The following HELZ variants were observed in gnomAD, a reference collection of about 807,000 sequenced individuals.
HELZ encodes the protein ATP-dependent RNA helicase with zinc finger domain.
In HELZ, 23 loss-of-function variants were observed where a neutral mutation model predicts 218.2. That is an observed-to-expected ratio of 0.11 (90% CI 0.08 to 0.15). The LOEUF (loss-of-function observed/expected upper bound fraction) is 0.15. HELZ is among the 10% of genes least tolerant of loss of function. The pLI is 1.00. For synonymous variants in HELZ, 814 were observed against 829.4 expected, an observed-to-expected ratio of 0.98 and a Z score of 0.32; for missense variants, 1,813 against 2,353.7, an observed-to-expected ratio of 0.77 and a Z score of 4.75.
chr17:67,082,758 A>G (rs1042795148), intron 32 of HELZ, among the ~76,000 whole-genome samples: 1 of 151,792 alleles, frequency 6.6e-6, no homozygotes, highest in East Asian at 1.9e-4. Context: ...CATGGCTTTC[A>G]TTGTTCAAGA....
intron 13 of HELZ, among the ~76,000 whole-genome samples, chr17:67,175,998 CTCT>C (rs1415145511): frequency 1.3e-5 from 2 of 152,180 alleles, no homozygotes; most frequent in Non-Finnish European, 2.9e-5. Flanking sequence ...GTACCACAAT[CTCT>C]TCTTTTCATA....
intron 20 of HELZ, among the ~76,000 whole-genome samples, chr17:67,148,057 C>G (rs890458606): frequency 1.3e-5 from 2 of 152,172 alleles, no homozygotes; most frequent in African/African-American, 2.4e-5. Flanking sequence ...TTAAGTGAAC[C>G]CAAAGACCCA....
chr17:67,102,132 G>A (rs934721742), intron 31 of HELZ, among the ~76,000 whole-genome samples: 1 of 152,176 alleles, frequency 6.6e-6, no homozygotes, highest in African/African-American at 2.4e-5. Flanking sequence ...TTATCTACAT[G>A]AGAATAGTCT....
Position 67,245,111 on chromosome 17 carries a change from G to A in HELZ, c.-132+37C>T. On this transcript the variant is annotated intron_variant, in intron 1 of 32. Coordinates refer to ENST00000358691, the MANE Select transcript of HELZ (RefSeq NM_014877.4). ...GGAGAGCTCCGGGAGCTCGCGGAGC[G>A]GCCCCAGGAGCAGAGAAGGGGGAAG... 3 of 984,798 alleles carry A rather than the reference G, an allele frequency of 3.0e-6. 1 individual carries two copies. The allele number at this position is 984,798 out of a possible 1,614,324, so 61.0% of individuals were successfully genotyped here.
chr17:67,109,063 A>C, intron 29 of HELZ, 53 bp downstream of exon 29: 1 of 1,371,144 alleles, frequency 7.3e-7, no homozygotes, highest in Non-Finnish European at 1.0e-6. Context: ...TATACAGTCC[A>C]AGTCATGTTA....
intron 3 of HELZ, among the ~76,000 whole-genome samples, chr17:67,234,803 A>G (rs2041134884): frequency 6.6e-6 from 1 of 151,906 alleles, no homozygotes; most frequent in Non-Finnish European, 1.5e-5. Flanking sequence ...TGGATATGCA[A>G]TTTCCTGACA....
At chr17:67,143,482 G>A (rs2038397590) in intron 21 of HELZ, among the ~76,000 whole-genome samples, 1 of 152,072 alleles carries the variant, frequency 6.6e-6, no homozygotes, top group African/African-American at 2.4e-5. Context: ...TAGGCGTGGT[G>A]GTGCGTACCC....
At chr17:67,159,965 T>G (rs757202284) in intron 17 of HELZ, among the ~76,000 whole-genome samples, 2 of 152,184 alleles carry the variant, frequency 1.3e-5, no homozygotes, top group Non-Finnish European at 2.9e-5. Context: ...GTTATCATAT[T>G]TATATTATTT....
intron 1 of HELZ, 184 bp from the exon 2 acceptor site, chr17:67,244,023 A>T: frequency 8.2e-6 from 8 of 978,846 alleles, no homozygotes; most frequent in Non-Finnish European, 9.7e-6. Context: ...CCTTTCAGTA[A>T]GGTAAAAGAA....
intron 27 of HELZ, among the ~76,000 whole-genome samples, chr17:67,115,159 C>T (rs1219384505): frequency 2.6e-5 from 4 of 151,794 alleles, no homozygotes; most frequent in South Asian, 2.1e-4. Flanking sequence ...ACTATAGTAT[C>T]GGAGATGAAG....
intron 18 of HELZ, 145 bp from the exon 19 acceptor site, chr17:67,150,130 CT>C (rs11408678): frequency 0.068 from 12,112 of 177,582 alleles, 1 homozygote; most frequent in South Asian, 0.088. Flanking sequence ...TATTTTCTTT[CT>C]TTTTTTTTTT....
intron 32 of HELZ, among the ~76,000 whole-genome samples, chr17:67,082,856 T>TG (rs1210887937): frequency 2.7e-4 from 41 of 149,998 alleles, no homozygotes; most frequent in African/African-American, 9.9e-4. Flanking sequence ...TGTTTTTTTT[T>TG]TTTGTTTTTT....
At chr17:67,195,235 C>G (rs142561951) in intron 8 of HELZ, among the ~76,000 whole-genome samples, 184 bp downstream of exon 8, 12 of 152,290 alleles carry the variant, frequency 7.9e-5, no homozygotes, top group Non-Finnish European at 1.8e-4. Flanking sequence ...CTCCATTATT[C>G]TATGAAAAGG....
chr17:67,089,802 TC>T (rs1175516347), intron 31 of HELZ, among the ~76,000 whole-genome samples: 189 of 150,742 alleles, frequency 1.3e-3, no homozygotes, highest in African/African-American at 4.1e-3. Context: ...GTTACAGGAA[TC>T]TCCCAAGGAA....
At chr17:67,224,761 T>C (rs1336833976) in intron 3 of HELZ, 4 of 1,164,454 alleles carry the variant, frequency 3.4e-6, no homozygotes, top group Non-Finnish European at 5.0e-6. Flanking sequence ...CCGGACTTTC[T>C]GTAAGAAGTG....
In HELZ at chr17:67,070,839, T is replaced by C. The variant is rs1447961423; in HGVS notation, c.*7413A>G. 2 of 152,142 alleles carry C rather than the reference T, an allele frequency of 1.3e-5. No individual in the cohort carries two copies. The highest frequency in any genetic ancestry group is 2.9e-5 in the Non-Finnish European group (2 of 68,026). 9.4% of individuals were successfully genotyped at this position (152,142 alleles called of 1,614,324 possible). A position where few individuals can be genotyped will look rare whatever the true frequency, so the allele number is the denominator to read the frequency against. Reference sequence around the variant, plus strand: ...TTTAGATGGCTGTATAACTGGTACTTTGAAGAGATGAACCTGACCACCTCA... The same window carrying C: ...TTTAGATGGCTGTATAACTGGTACTCTGAAGAGATGAACCTGACCACCTCA... On this transcript the variant is annotated 3_prime_UTR_variant, in exon 33 of 33. Coordinates refer to ENST00000358691, the MANE Select transcript of HELZ (RefSeq NM_014877.4).
At chr17:67,166,429 A>T in intron 15 of HELZ, 49 bp downstream of exon 15, 1 of 1,492,904 alleles carries the variant, frequency 6.7e-7, no homozygotes. Context: ...ACAGATATTC[A>T]ATTTAATATT....
Position 67,188,396 on chromosome 17 carries a change from C to A in HELZ, c.1085G>T (p.Arg362Leu). Residue 362 changes from arginine to leucine, a missense_variant, in exon 12 of 33, where the codon CGC becomes CTC. Coordinates refer to ENST00000358691, the MANE Select transcript of HELZ (RefSeq NM_014877.4). This position sits in a 1 kb window ranked among gnomAD's most constrained non-coding sequence, Gnocchi z 4.1. Reference sequence around the variant, plus strand: ...TCCAAAGTCGAAAACTATGGTTTGGCGAAAAGTTCCAAATATTTCTGTGTT... The same window carrying A: ...TCCAAAGTCGAAAACTATGGTTTGGAGAAAAGTTCCAAATATTTCTGTGTT... The part of the protein sequence containing the change: ...AFNTEIFGTF[R>L]QTIVFDFGLE... 1 of 1,613,848 alleles carries A rather than the reference C, an allele frequency of 6.2e-7. No homozygotes were observed. The highest frequency in any genetic ancestry group is 8.5e-7 in the Non-Finnish European group (1 of 1,179,838).
chr17:67,223,174 G>A (rs901876546), intron 3 of HELZ, among the ~76,000 whole-genome samples: 4 of 151,574 alleles, frequency 2.6e-5, no homozygotes, highest in Middle Eastern at 3.4e-3. Flanking sequence ...GAAGGAGAAT[G>A]GCATGAACCC....
Sources: gnomAD v4.1 joint callset for allele counts (sites outside exome capture counted in the v4.1 genomes callset) on GRCh38, gnomAD v4.1.1 for gene constraint, Gnocchi (gnomAD v3.1) non-coding constraint, MANE v1.5 for transcripts, NCBI Gene and HGNC (gene_info 2026-07-23, HGNC 2026-07-21) for gene names.